Variants in MFSD6 observed in about 807,000 individuals in gnomAD.
MFSD6 encodes the protein major facilitator superfamily domain-containing protein 6.
In MFSD6, 26 loss-of-function variants were observed where a neutral mutation model predicts 56.3. The observed-to-expected ratio is 0.46, with a 90% CI of 0.34 to 0.64. MFSD6 has a LOEUF of 0.64. Among genes scored for constraint, MFSD6 ranks in the 30% least tolerant of loss-of-function variants. The pLI is 0.01. For missense variants in MFSD6, 750 were observed against 986.2 expected (o/e 0.76, Z 3.21); for synonymous variants, 331 against 366.9 (o/e 0.90, Z 1.12).
rs1405448900 is a variant in MFSD6 at position 190,412,706 on chromosome 2, G to T, written c.-175-2586G>T. ...GCTGTCTGTTCCCATTTACTCTACT[G>T]GCATTTTGGGGGTGAGAGGGGCTTG... On this transcript the variant is annotated intron_variant, in intron 1 of 7. Coordinates refer to ENST00000392328, the MANE Select transcript of MFSD6 (RefSeq NM_017694.4). This position sits in a 1 kb window ranked among gnomAD's most constrained non-coding sequence, Gnocchi z 4.1. 4 of 804,310 alleles carry T rather than the reference G, an allele frequency of 5.0e-6. 1 individual carries two copies. Among genetic ancestry groups the T allele is most frequent in the Non-Finnish European group, 6.0e-6 (4 of 664,974 alleles). The allele number at this position is 804,310 out of a possible 1,614,324, so 49.8% of individuals were successfully genotyped here. A position where few individuals can be genotyped will look rare whatever the true frequency, so the allele number is the denominator to read the frequency against.
Position 190,436,374 on chromosome 2 carries a change from C to G in MFSD6, c.345C>G (p.Phe115Leu). The G allele has an allele frequency of 1.2e-6, 2 of 1,614,214 alleles. No homozygotes were observed. Among genetic ancestry groups the G allele is most frequent in the Non-Finnish European group, 1.7e-6 (2 of 1,180,036 alleles). Reference sequence around the variant, plus strand: ...TAGGTATTCGTTACTTCATTGAATTCTGCAGTGCCCCCTTTTGGGGTGTAG... The same window carrying G: ...TAGGTATTCGTTACTTCATTGAATTGTGCAGTGCCCCCTTTTGGGGTGTAG... ...LLVGIRYFIE[F>L]CSAPFWGVVA... is the part of the protein sequence containing the mutation. Residue 115 changes from phenylalanine (F) to leucine (L), a missense_variant, in exon 3 of 8, where the codon TTC becomes TTG. Coordinates refer to ENST00000392328, the MANE Select transcript of MFSD6 (RefSeq NM_017694.4). This position sits in a 1 kb window ranked among gnomAD's most constrained non-coding sequence, Gnocchi z 5.3.
chr2:190,485,416 G>A lies in MFSD6; in HGVS notation c.1631-3241G>A, dbSNP rs1013824645. On this transcript the variant is annotated intron_variant, in intron 4 of 7. Coordinates refer to ENST00000392328, the MANE Select transcript of MFSD6 (RefSeq NM_017694.4). This position sits in a 1 kb window ranked among gnomAD's most constrained non-coding sequence, Gnocchi z 5.1. The stretch of plus-strand genomic sequence containing the variant: ...CCATTTGATGTGTTTTCAGGTTTTC[G>A]GTAATTCATCTTTAAGAAATGATTT... Among the ~76,000 whole-genome samples the A allele has an allele frequency of 5.9e-5, 9 of 151,918 alleles. No individual in the cohort carries two copies. The highest frequency in any genetic ancestry group is 1.5e-4 in the African/African-American group (6 of 41,358).
intron 4 of MFSD6, among the ~76,000 whole-genome samples, chr2:190,480,248 A>ATAAAGGGTTAAGGGT (rs1436268470): frequency 3.3e-5 from 5 of 152,178 alleles, no homozygotes; most frequent in Non-Finnish European, 7.4e-5. Flanking sequence ...TTATTGTCTA[A>ATAAAGGGTTAAGGGT]CTTAGTTTAA....
chr2:190,473,614 A>T (rs1267860653), intron 4 of MFSD6, among the ~76,000 whole-genome samples: 1 of 152,162 alleles, frequency 6.6e-6, no homozygotes, highest in Non-Finnish European at 1.5e-5. Context: ...CTCCCACACA[A>T]TAATAATTGG....
At chr2:190,475,678 C>T (rs1053059662) in intron 4 of MFSD6, among the ~76,000 whole-genome samples, 2 of 152,134 alleles carry the variant, frequency 1.3e-5, no homozygotes, top group Non-Finnish European at 2.9e-5. Flanking sequence ...ATGAAGCTAC[C>T]AATGACTTTC....
intron 4 of MFSD6, among the ~76,000 whole-genome samples, chr2:190,484,821 T>C (rs1201330362): frequency 1.3e-5 from 2 of 152,208 alleles, no homozygotes; most frequent in Non-Finnish European, 2.9e-5. Flanking sequence ...AAATAAGTTA[T>C]TTTAGGGAAA....
At position 190,434,522 on chromosome 2, in the gene MFSD6, G is replaced by A. The variant is rs1224913401; in HGVS notation, c.-53-1455G>A. ...GCAATCTCAGCTCACTGCAACCTCC[G>A]CCTCCTGGGTTCGAGCAATTTGCCT... On this transcript the variant is annotated intron_variant, in intron 2 of 7. Transcript: ENST00000392328. The surrounding 1 kb of genome is among the most constrained non-coding windows in gnomAD (Gnocchi z 4.3). Among the ~76,000 whole-genome samples the A allele has an allele frequency of 6.6e-6, 1 of 152,008 alleles. No homozygotes were observed. The highest frequency in any genetic ancestry group is 2.4e-5 in the African/African-American group (1 of 41,386).
rs1690603252 is a variant in MFSD6, at chr2:190,412,582, A to C, written c.-175-2710A>C. 3.0e-6 allele frequency: 3 copies of C among 985,262 alleles called. No homozygotes were observed. The highest frequency in any genetic ancestry group is 1.7e-5 in the African/African-American group (1 of 57,222). The allele number at this position is 985,262 out of a possible 1,614,324, so 61.0% of individuals were successfully genotyped here. ...TGGGAAAAGCAAACAAACACATCTG[A>C]TGTCAATTCTGTGTGGGGCAATGAA... On this transcript the variant is annotated intron_variant, in intron 1 of 7. Transcript: ENST00000392328. This position sits in a 1 kb window ranked among gnomAD's most constrained non-coding sequence, Gnocchi z 4.1.
intron 2 of MFSD6, among the ~76,000 whole-genome samples, chr2:190,427,699 T>A (rs988143812): frequency 6.6e-6 from 1 of 151,886 alleles, no homozygotes; most frequent in Non-Finnish European, 1.5e-5. Context: ...TTGTGTCTAC[T>A]CCATCTTCTT....
At chr2:190,476,879 A>G (rs1289098963) in intron 4 of MFSD6, among the ~76,000 whole-genome samples, 1 of 152,154 alleles carries the variant, frequency 6.6e-6, no homozygotes, top group Non-Finnish European at 1.5e-5. Context: ...CAGCCATAAA[A>G]AATGATGAGT....
rs1027215443 is a variant in MFSD6, at chr2:190,464,959, A to C, written c.1533-4799A>C. 7 of 962,346 alleles carry C rather than the reference A, an allele frequency of 7.3e-6. 1 individual carries two copies. The highest frequency in any genetic ancestry group is 6.2e-6 in the Non-Finnish European group (5 of 808,668). The allele number at this position is 962,346 out of a possible 1,614,324, so 59.6% of individuals were successfully genotyped here. On this transcript the variant is annotated intron_variant, in intron 3 of 7. Coordinates refer to ENST00000392328, the MANE Select transcript of MFSD6 (RefSeq NM_017694.4). ...CATATTATAGTTGGTTAAATTTAGA[A>C]AAGTAGGGTCTCACAACTAACTACA...
At position 190,426,181 on chromosome 2, in the gene MFSD6, T is replaced by G. The variant is rs999731822; in HGVS notation, c.-53-9796T>G. On this transcript the variant is annotated intron_variant, in intron 2 of 7. Coordinates refer to ENST00000392328, the MANE Select transcript of MFSD6 (RefSeq NM_017694.4). The surrounding 1 kb of genome is among the most constrained non-coding windows in gnomAD (Gnocchi z 4.7). The stretch of plus-strand genomic sequence containing the variant: ...TTCTCCTCACCTTCCAGGACTATGA[T>G]GACATGAACATTAGATCTTTAGTTA... 1.1e-4 allele frequency among the ~76,000 whole-genome samples: 17 copies of G among 152,230 alleles called. No individual in the cohort carries two copies. Among genetic ancestry groups the G allele is most frequent in the African/African-American group, 3.9e-4 (16 of 41,466 alleles).
chr2:190,477,776 C>G (rs149182670), intron 4 of MFSD6, among the ~76,000 whole-genome samples: 84 of 152,226 alleles, frequency 5.5e-4, no homozygotes, highest in African/African-American at 2.0e-3. Flanking sequence ...GAAAAATGTG[C>G]TAGGTAGCAG....
Position 190,417,415 on chromosome 2 carries a change from T to C in MFSD6, c.-54+2002T>C, listed in dbSNP as rs1690823250. 6.6e-6 allele frequency among the ~76,000 whole-genome samples: 1 copy of C among 152,160 alleles called. No homozygotes were observed. The highest frequency in any genetic ancestry group is 1.5e-5 in the Non-Finnish European group (1 of 68,022). On this transcript the variant is annotated intron_variant, in intron 2 of 7. Transcript: ENST00000392328. The surrounding 1 kb of genome is among the most constrained non-coding windows in gnomAD (Gnocchi z 5.7). Reference sequence around the variant, plus strand: ...CTCTGTGTACATCACCTGTGCTTGCTCCTGTTTGAACATTTAGCATAAGGT... The same window carrying C: ...CTCTGTGTACATCACCTGTGCTTGCCCCTGTTTGAACATTTAGCATAAGGT...
In MFSD6 at chr2:190,501,118, G is replaced by C. The variant is rs556798935; in HGVS notation, c.*900G>C. On this transcript the variant is annotated 3_prime_UTR_variant, in exon 8 of 8. Transcript: ENST00000392328. ...GGGAATGAAACACACAAAAATCACT[G>C]AATTCCTAAGAGTTCCTTAAATAAG... 7.9e-5 allele frequency: 12 copies of C among 152,240 alleles called. No homozygotes were observed. Among genetic ancestry groups the C allele is most frequent in the Non-Finnish European group, 1.6e-4 (11 of 68,016 alleles). The allele number at this position is 152,240 out of a possible 1,614,324, so 9.4% of individuals were successfully genotyped here. A position where few individuals can be genotyped will look rare whatever the true frequency, so the allele number is the denominator to read the frequency against.
At chr2:190,429,611 A>G (rs1685898996) in intron 2 of MFSD6, among the ~76,000 whole-genome samples, 1 of 152,176 alleles carries the variant, frequency 6.6e-6, no homozygotes, top group South Asian at 2.1e-4. Context: ...TACTGCACCT[A>G]GCCAGAAATT....
chr2:190,408,890 G>A (rs1027635592), intron 1 of MFSD6, among the ~76,000 whole-genome samples: 8 of 152,128 alleles, frequency 5.3e-5, no homozygotes, highest in African/African-American at 1.9e-4. Flanking sequence ...GGGTGGGGAC[G>A]GAGGGTGAGC....
chr2:190,489,503 G>A lies in MFSD6; in HGVS notation c.1793-265G>A, dbSNP rs1689208344. 6.6e-6 allele frequency among the ~76,000 whole-genome samples: 1 copy of A among 152,200 alleles called. No individual in the cohort carries two copies. Among genetic ancestry groups the A allele is most frequent in the African/African-American group, 2.4e-5 (1 of 41,450 alleles). On this transcript the variant is annotated intron_variant, in intron 5 of 7. Coordinates refer to ENST00000392328, the MANE Select transcript of MFSD6 (RefSeq NM_017694.4). The surrounding 1 kb of genome is among the most constrained non-coding windows in gnomAD (Gnocchi z 6.6). ...AGGAGAGCACCATTGAATTGTATGA[G>A]TCATGGTGAAAGGCACTGAGAGATA...
Position 190,425,722 on chromosome 2 carries a change from C to A in MFSD6, c.-53-10255C>A, listed in dbSNP as rs1328176596. ...CCACACTTTGTCATGTTGTATAATTCTTTTTATATGTTGCTAAATTCTCTT... is the reference window on the plus strand; with the variant it reads ...CCACACTTTGTCATGTTGTATAATTATTTTTATATGTTGCTAAATTCTCTT... On this transcript the variant is annotated intron_variant, in intron 2 of 7. Coordinates refer to ENST00000392328, the MANE Select transcript of MFSD6 (RefSeq NM_017694.4). The surrounding 1 kb of genome is among the most constrained non-coding windows in gnomAD (Gnocchi z 4.3). 6.6e-6 allele frequency among the ~76,000 whole-genome samples: 1 copy of A among 152,014 alleles called. No individual in the cohort carries two copies. The highest frequency in any genetic ancestry group is 1.5e-5 in the Non-Finnish European group (1 of 67,968).
Sources: gnomAD v4.1 joint callset for allele counts (sites outside exome capture counted in the v4.1 genomes callset) on GRCh38, gnomAD v4.1.1 for gene constraint, Gnocchi (gnomAD v3.1) non-coding constraint, MANE v1.5 for transcripts, NCBI Gene and HGNC (gene_info 2026-07-23, HGNC 2026-07-21) for gene names.